The following CMAS variants were observed in gnomAD, a reference collection of about 807,000 sequenced individuals.
CMAS encodes the protein cytidine monophosphate N-acetylneuraminic acid synthetase, also known as N-acylneuraminate cytidylyltransferase.
In CMAS, 21 loss-of-function variants were observed where a neutral mutation model predicts 53.4. The ratio of observed to expected loss-of-function variants is 0.39; its 90% CI spans 0.28 to 0.57. The LOEUF is 0.57. Among genes scored for constraint, CMAS ranks in the 20% least tolerant of loss-of-function variants. The pLI, the probability that CMAS is intolerant of heterozygous loss-of-function variation, is 0.56. For synonymous variants in CMAS, 189 were observed against 195.2 expected, an observed-to-expected ratio of 0.97 and a Z score of 0.27; for missense variants, 384 against 534.9, an observed-to-expected ratio of 0.72 and a Z score of 2.78.
chr12:22,046,663 A>AAGGGGGCCATCTCTCATGCC (rs1950208655), intron 1 of CMAS, 100 bp downstream of exon 1: 1 of 1,312,176 alleles, frequency 7.6e-7, no homozygotes, highest in Non-Finnish European at 1.0e-6. Flanking sequence ...CCGCTCTTGG[A>AAGGGGGCCATCTCTCATGCC]AGGGGGCCAT....
Position 22,060,333 on chromosome 12 carries a change from T to TAAAAAAAAAAAAAAAAAA in CMAS, c.694-489_694-472dup, listed in dbSNP as rs58755366. Reference sequence around the variant, plus strand: ...ATTTCTTTTGTGTGAGCTTTCTCCTTAAAAAAAAAAAAAAAAAAAAAAAAA... The same window carrying TAAAAAAAAAAAAAAAAAA: ...ATTTCTTTTGTGTGAGCTTTCTCCTTAAAAAAAAAAAAAAAAAAAAAAAAAAAAAAAAAAAAAAAAAAA... On this transcript the variant is annotated intron_variant, in intron 4 of 7. Coordinates refer to ENST00000229329, the MANE Select transcript of CMAS (RefSeq NM_018686.6). Among the ~76,000 whole-genome samples the TAAAAAAAAAAAAAAAAAA allele has an allele frequency of 1.7e-3, 91 of 54,134 alleles. 11 individuals carry two copies. Among genetic ancestry groups the TAAAAAAAAAAAAAAAAAA allele is most frequent in the Non-Finnish European group, 2.6e-3 (76 of 28,756 alleles). 35.5% of individuals were successfully genotyped at this position (54,134 alleles called of 152,430 possible). A position where few individuals can be genotyped will look rare whatever the true frequency, so the allele number is the denominator to read the frequency against.
intron 4 of CMAS, among the ~76,000 whole-genome samples, chr12:22,059,148 A>ATT (rs10615874): frequency 1.4e-5 from 2 of 139,846 alleles, no homozygotes; most frequent in African/African-American, 5.4e-5. Context: ...ATATATATAT[A>ATT]TTTTTTTTTT....
chr12:22,050,336 C>T (rs144876102), intron 1 of CMAS, among the ~76,000 whole-genome samples: 3 of 152,198 alleles, frequency 2.0e-5, no homozygotes, highest in Non-Finnish European at 4.4e-5. Flanking sequence ...GTGTGTGCCT[C>T]ACAGGCTTGT....
chr12:22,058,674 C>A lies in CMAS; in HGVS notation c.667C>A (p.His223Asn), dbSNP rs1165775391. 2.5e-6 allele frequency: 4 copies of A among 1,613,544 alleles called. No homozygotes were observed. The highest frequency in any genetic ancestry group is 3.4e-6 in the Non-Finnish European group (4 of 1,179,758). ...ENGSFYFAKRHLIEMGYLQGG... is the reference protein window; with the variant it reads ...ENGSFYFAKRNLIEMGYLQGG... ...TGGCTCATTTTATTTTGCTAAAAGA[C>A]ATTTGATAGAGATGGGTTACTTGCA... The change falls in exon 4 of 8, where the codon CAT (histidine) becomes AAT (asparagine). Residue 223 changes from histidine (H) to asparagine (N), a missense_variant. By Grantham distance (68) the His-to-Asn change is moderately conservative. This residue lies in a region of CMAS where 139 missense variants were observed against 248.0 expected (regional missense o/e 0.56). Transcript: ENST00000229329.
intron 6 of CMAS, 98 bp from the exon 7 acceptor site, chr12:22,062,183 G>C: frequency 9.4e-7 from 1 of 1,062,358 alleles, no homozygotes; most frequent in Non-Finnish European, 1.3e-6. Flanking sequence ...TTTGTGATTT[G>C]GACTGTCTAC....
intron 3 of CMAS, among the ~76,000 whole-genome samples, chr12:22,055,901 A>T (rs562507545): frequency 6.6e-6 from 1 of 152,214 alleles, no homozygotes; most frequent in South Asian, 2.1e-4. Context: ...AAATACTTTT[A>T]TGTTTGTTCT....
rs1950340095 is a variant in CMAS, at chr12:22,065,355, G to A, written c.*44G>A. On this transcript the variant is annotated 3_prime_UTR_variant, in exon 8 of 8. Transcript: ENST00000229329. ...GAAAAAAATGATACAGCCTTCTTCA[G>A]CCAGTTTGCTTTTATTTTTGATTAA... The A allele has an allele frequency of 6.7e-7, 1 of 1,489,500 alleles. No individual in the cohort carries two copies. The allele number at this position is 1,489,500 out of a possible 1,614,324, so 92.3% of individuals were successfully genotyped here. A position where few individuals can be genotyped will look rare whatever the true frequency, so the allele number is the denominator to read the frequency against.
rs1215220055 is a variant in CMAS, at chr12:22,060,824, A to T, written c.694-8A>T. On this transcript the variant is annotated splice_polypyrimidine_tract_variant and splice_region_variant and intron_variant, in intron 4 of 7. Transcript: ENST00000229329. ...AAACAGTATTCATGACATTTATACT[A>T]CCTTTAGGGTGGAAAAATGGCATAC... 2.6e-6 allele frequency: 4 copies of T among 1,537,468 alleles called. No homozygotes were observed. The East Asian group carries it at 6.8e-5, about 26-fold the overall frequency.
intron 4 of CMAS, among the ~76,000 whole-genome samples, chr12:22,059,869 T>C (rs76661960): frequency 0.026 from 4,007 of 152,246 alleles, 172 homozygotes; most frequent in African/African-American, 0.09. Context: ...AAATTGAAAT[T>C]GTCCAGTAAT....
intron 7 of CMAS, chr12:22,063,852 T>G (rs1591795846): frequency 6.6e-6 from 1 of 151,600 alleles, no homozygotes; most frequent in African/African-American, 2.4e-5. Context: ...CCCACCACTT[T>G]GGGAAGCGGA....
At chr12:22,046,586 G>T in intron 1 of CMAS, 23 bp downstream of exon 1, 1 of 1,507,616 alleles carries the variant, frequency 6.6e-7, no homozygotes, top group Non-Finnish European at 8.9e-7. Flanking sequence ...GAGAGTGGGC[G>T]GCGCGGCCTG....
At chr12:22,052,610 C>T (rs543906055) in intron 1 of CMAS, among the ~76,000 whole-genome samples, 1 of 152,306 alleles carries the variant, frequency 6.6e-6, no homozygotes, top group Non-Finnish European at 1.5e-5. Flanking sequence ...CTAATTTCAT[C>T]TTATCCTCTC....
chr12:22,051,120 G>A (rs185933954), intron 1 of CMAS, among the ~76,000 whole-genome samples: 2 of 152,210 alleles, frequency 1.3e-5, no homozygotes, highest in East Asian at 3.9e-4. Flanking sequence ...AGATTTCTCT[G>A]GCCTGCTCAG....
chr12:22,053,037 T>C (rs12302990), intron 1 of CMAS, among the ~76,000 whole-genome samples: 1,899 of 152,244 alleles, frequency 0.012, 41 homozygotes, highest in African/African-American at 0.043. Context: ...CTTACACCTG[T>C]AATCCTAGCA....
At chr12:22,055,938 G>A (rs928214179) in intron 3 of CMAS, among the ~76,000 whole-genome samples, 1 of 152,084 alleles carries the variant, frequency 6.6e-6, no homozygotes, top group African/African-American at 2.4e-5. Context: ...CTCCATACAA[G>A]TCATATAGAG....
chr12:22,057,920 CG>C (rs1303052000), intron 3 of CMAS, among the ~76,000 whole-genome samples: 1 of 151,342 alleles, frequency 6.6e-6, no homozygotes, highest in African/African-American at 2.4e-5. Context: ...CTCCCCCCCC[CG>C]GGTTCAAGCG....
chr12:22,054,219 G>T (rs975800914), intron 1 of CMAS, among the ~76,000 whole-genome samples: 1 of 152,086 alleles, frequency 6.6e-6, no homozygotes, highest in East Asian at 1.9e-4. Flanking sequence ...GAGACTCCAG[G>T]CCTGACCAAA....
At chr12:22,049,177 A>G (rs1006684651) in intron 1 of CMAS, among the ~76,000 whole-genome samples, 2 of 152,174 alleles carry the variant, frequency 1.3e-5, no homozygotes, top group African/African-American at 4.8e-5. Context: ...TCATTCTTCA[A>G]CCAGTCACTA....
intron 7 of CMAS, among the ~76,000 whole-genome samples, chr12:22,064,543 C>G (rs1242448948): frequency 2.0e-5 from 3 of 151,844 alleles, no homozygotes; most frequent in African/African-American, 7.3e-5. Flanking sequence ...TCAACATATA[C>G]TAGGTTATTA....
Sources: gnomAD v4.1 joint callset for allele counts (sites outside exome capture counted in the v4.1 genomes callset) on GRCh38, gnomAD v4.1.1 for gene constraint, gnomAD v4.1.1 regional missense constraint, MANE v1.5 for transcripts, NCBI Gene and HGNC (gene_info 2026-07-23, HGNC 2026-07-21) for gene names.